The following PPFIA2 variants were observed in gnomAD, a reference collection of about 807,000 sequenced individuals.
PPFIA2 encodes liprin-alpha-2.
PPFIA2 carries 46 observed loss-of-function variants against 175.5 expected under a neutral mutation model. The ratio of observed to expected loss-of-function variants is 0.26; its 90% CI spans 0.21 to 0.34. PPFIA2 has a LOEUF of 0.34. Among genes scored for constraint, PPFIA2 ranks in the 10% least tolerant of loss-of-function variants. PPFIA2 has a pLI of 1.00. For missense variants in PPFIA2, 1,179 were observed against 1,506.1 expected, an observed-to-expected ratio of 0.78 and a Z score of 3.60; for synonymous variants, 568 against 511.4, an observed-to-expected ratio of 1.11 and a Z score of -1.49.
At position 81,519,960 on chromosome 12, in the gene PPFIA2, A is replaced by C. The variant is rs541009228; in HGVS notation, c.304-62094T>G. The stretch of plus-strand genomic sequence containing the variant: ...GAGATTAACAAAAATAAAATAGGAC[A>C]ATTATAACAACATACTCTAATAAAA... On this transcript the variant is annotated intron_variant, in intron 4 of 32. Transcript: ENST00000549396. Among the ~76,000 whole-genome samples, 20 of 152,308 alleles carry C rather than the reference A, an allele frequency of 1.3e-4. No individual in the cohort carries two copies. In the South Asian group the frequency reaches 3.7e-3, roughly 28 times the overall value.
intron 6 of PPFIA2, among the ~76,000 whole-genome samples, chr12:81,441,320 G>T (rs1362546074): frequency 6.6e-6 from 1 of 151,926 alleles, no homozygotes; most frequent in Non-Finnish European, 1.5e-5. Context: ...ATGAATGGAT[G>T]CATTTAATTC....
At chr12:81,706,457 T>C (rs2077153328) in intron 3 of PPFIA2, among the ~76,000 whole-genome samples, 1 of 152,226 alleles carries the variant, frequency 6.6e-6, no homozygotes, top group Non-Finnish European at 1.5e-5. Context: ...TTTTGTTGCT[T>C]CCACAACCTT....
intron 9 of PPFIA2, among the ~76,000 whole-genome samples, chr12:81,376,146 C>T (rs557933843): frequency 3.3e-5 from 5 of 152,260 alleles, no homozygotes; most frequent in African/African-American, 9.6e-5. Context: ...CTTCGGTTAA[C>T]CAAAAGCTTT....
intron 7 of PPFIA2, among the ~76,000 whole-genome samples, chr12:81,409,802 A>G (rs2043587450): frequency 6.6e-6 from 1 of 152,128 alleles, no homozygotes; most frequent in Admixed American, 6.6e-5. Flanking sequence ...AAAACTCACT[A>G]TGTACAAGTA....
intron 17 of PPFIA2, among the ~76,000 whole-genome samples, chr12:81,352,289 A>G (rs1330208315): frequency 6.6e-6 from 1 of 151,758 alleles, no homozygotes; most frequent in Non-Finnish European, 1.5e-5. Context: ...GTTCAAGATC[A>G]AGGTTCCAGC....
intron 1 of PPFIA2, 50 bp from the exon 2 acceptor site, chr12:81,758,557 C>T: frequency 2.6e-6 from 1 of 391,452 alleles, no homozygotes; most frequent in South Asian, 1.8e-5. Context: ...GCCCCGGCGC[C>T]CTCCCGGAAC....
At chr12:81,659,744 G>T (rs1313047608) in intron 4 of PPFIA2, among the ~76,000 whole-genome samples, 1 of 152,166 alleles carries the variant, frequency 6.6e-6, no homozygotes, top group Non-Finnish European at 1.5e-5. Context: ...TCTGAGAACG[G>T]ACAGACTGCC....
chr12:81,700,207 G>A (rs959917781), intron 3 of PPFIA2, among the ~76,000 whole-genome samples: 1 of 151,812 alleles, frequency 6.6e-6, no homozygotes, highest in Middle Eastern at 3.4e-3. Context: ...ATAATCACTA[G>A]CAATGATATA....
At chr12:81,537,438 C>T (rs1213465492) in intron 4 of PPFIA2, among the ~76,000 whole-genome samples, 2 of 151,636 alleles carry the variant, frequency 1.3e-5, no homozygotes, top group African/African-American at 4.8e-5. Flanking sequence ...CAAAGGCATC[C>T]AAAAAATACA....
intron 4 of PPFIA2, among the ~76,000 whole-genome samples, chr12:81,624,167 T>C (rs568835329): frequency 5.4e-4 from 82 of 151,900 alleles, no homozygotes; most frequent in African/African-American, 1.9e-3. Flanking sequence ...TTGGCATCTA[T>C]GTATATATAT....
At chr12:81,632,760 G>C (rs1428862662) in intron 4 of PPFIA2, among the ~76,000 whole-genome samples, 26 of 151,662 alleles carry the variant, frequency 1.7e-4, no homozygotes, top group Admixed American at 1.7e-3. Flanking sequence ...AGCCAAAAAA[G>C]CAAATCAGGA....
intron 4 of PPFIA2, among the ~76,000 whole-genome samples, chr12:81,479,671 C>T (rs1200535043): frequency 6.6e-6 from 1 of 152,188 alleles, no homozygotes; most frequent in Non-Finnish European, 1.5e-5. Context: ...TTTTATTTTT[C>T]CTTTGCTTAT....
At chr12:81,633,710 T>C (rs17008849) in intron 4 of PPFIA2, among the ~76,000 whole-genome samples, 1,822 of 152,028 alleles carry the variant, frequency 0.012, 64 homozygotes, top group East Asian at 0.042. Context: ...ATAGTGAAAA[T>C]TGGATAATTA....
chr12:81,438,588 CATT>C (rs2049541533), intron 7 of PPFIA2, among the ~76,000 whole-genome samples: 1 of 152,146 alleles, frequency 6.6e-6, no homozygotes, highest in Non-Finnish European at 1.5e-5. Flanking sequence ...TATATGTAAA[CATT>C]ATCTTGTTAT....
At chr12:81,295,756 C>T (rs966810942) in intron 23 of PPFIA2, among the ~76,000 whole-genome samples, 7 of 151,956 alleles carry the variant, frequency 4.6e-5, no homozygotes, top group Admixed American at 3.3e-4. Context: ...TTTGGGAGGC[C>T]GAGGTGGAAG....
intron 4 of PPFIA2, among the ~76,000 whole-genome samples, chr12:81,527,554 T>C (rs931465242): frequency 6.6e-6 from 1 of 152,150 alleles, no homozygotes; most frequent in Admixed American, 6.6e-5. Flanking sequence ...TTTTGAGTTT[T>C]ATGTCCAAAT....
chr12:81,555,248 C>T (rs1221283395), intron 4 of PPFIA2, among the ~76,000 whole-genome samples: 1 of 151,814 alleles, frequency 6.6e-6, no homozygotes, highest in Non-Finnish European at 1.5e-5. Flanking sequence ...TCTAATATCC[C>T]ATATTATATG....
chr12:81,733,791 A>C (rs1309810945), intron 3 of PPFIA2, among the ~76,000 whole-genome samples: 2 of 151,742 alleles, frequency 1.3e-5, no homozygotes, highest in Non-Finnish European at 2.9e-5. Context: ...TTTAATCATC[A>C]GTCACCTCAA....
intron 4 of PPFIA2, among the ~76,000 whole-genome samples, chr12:81,555,514 T>G (rs2068698924): frequency 6.6e-6 from 1 of 152,028 alleles, no homozygotes; most frequent in Admixed American, 6.6e-5. Flanking sequence ...CTGCAATTCT[T>G]GAAATTGATA....
Sources: allele counts gnomAD v4.1 joint callset (sites outside exome capture counted in the v4.1 genomes callset), GRCh38; gene constraint gnomAD v4.1.1; transcripts MANE v1.5; gene names NCBI Gene and HGNC (gene_info 2026-07-23, HGNC 2026-07-21).